The following CHCHD6 variants were observed in gnomAD, a reference collection of about 807,000 sequenced individuals.
CHCHD6 encodes MICOS complex subunit MIC25.
In CHCHD6, 28 loss-of-function variants were observed where a neutral mutation model predicts 32.3. That is an observed-to-expected ratio of 0.87 (90% confidence interval 0.64 to 1.19). CHCHD6 has a LOEUF of 1.19. CHCHD6 is among the 50% of genes most tolerant of loss of function. The pLI, the probability that CHCHD6 is intolerant of heterozygous loss-of-function variation, is 0.00. For missense variants in CHCHD6, 333 were observed against 307.0 expected, an observed-to-expected ratio of 1.08 and a Z score of -0.63; for synonymous variants, 122 against 117.5, an observed-to-expected ratio of 1.04 and a Z score of -0.25.
intron 4 of CHCHD6, among the ~76,000 whole-genome samples, chr3:126,748,075 G>C (rs550087178): frequency 6.6e-6 from 1 of 152,174 alleles, no homozygotes; most frequent in African/African-American, 2.4e-5. Context: ...CTCTCTGCCA[G>C]TGACCTGGAT....
intron 4 of CHCHD6, among the ~76,000 whole-genome samples, chr3:126,835,907 T>C (rs148030388): frequency 8.8e-4 from 134 of 152,334 alleles, no homozygotes; most frequent in African/African-American, 3.1e-3. Flanking sequence ...TATTATTTCT[T>C]CTGTAAAGGT....
intron 4 of CHCHD6, among the ~76,000 whole-genome samples, chr3:126,792,009 G>A (rs1294773130): frequency 1.3e-5 from 2 of 152,024 alleles, no homozygotes; most frequent in Admixed American, 6.6e-5. Flanking sequence ...GAAGTATAAC[G>A]TTTTCGGGGT....
chr3:126,907,596 GA>G (rs2078024945), intron 5 of CHCHD6, among the ~76,000 whole-genome samples: 1 of 152,162 alleles, frequency 6.6e-6, no homozygotes, highest in South Asian at 2.1e-4. Flanking sequence ...TGTGAATTTT[GA>G]GAAGCTTTGG....
intron 4 of CHCHD6, among the ~76,000 whole-genome samples, chr3:126,773,408 C>A (rs904460014): frequency 1.3e-4 from 20 of 152,114 alleles, no homozygotes; most frequent in African/African-American, 4.6e-4. Flanking sequence ...GAACCAAGGA[C>A]CAGAGTCTCA....
At chr3:126,936,598 C>T (rs745961703) in intron 6 of CHCHD6, among the ~76,000 whole-genome samples, 2 of 152,090 alleles carry the variant, frequency 1.3e-5, no homozygotes, top group Non-Finnish European at 2.9e-5. Context: ...CTCTGTTGCC[C>T]AGGCTGCAGT....
At chr3:126,737,636 A>G (rs1936106671) in intron 4 of CHCHD6, among the ~76,000 whole-genome samples, 1 of 152,162 alleles carries the variant, frequency 6.6e-6, no homozygotes, top group Admixed American at 6.5e-5. Flanking sequence ...ACCACCTGAT[A>G]CTTCCTGGTA....
At position 126,955,281 on chromosome 3, in the gene CHCHD6, G is replaced by A. The variant is rs1403211681; in HGVS notation, c.567-2135G>A. Among the ~76,000 whole-genome samples the A allele has an allele frequency of 3.9e-5, 6 of 152,264 alleles. No individual in the cohort carries two copies. The East Asian group carries it at 5.8e-4, about 15-fold the overall frequency. On this transcript the variant is annotated intron_variant, in intron 6 of 7. Transcript: ENST00000290913. ...CCCAGCCGCCTGTGCGGCAGCTGAC[G>A]CAGGCCAGTGAAGCGGGTCTCCGGA...
intron 6 of CHCHD6, among the ~76,000 whole-genome samples, chr3:126,956,254 G>A: frequency 6.6e-6 from 1 of 152,246 alleles, no homozygotes; most frequent in African/African-American, 2.4e-5. Context: ...TCTTTTTGGT[G>A]CCCTCAGCCG....
At chr3:126,920,210 G>C (rs961824655) in intron 6 of CHCHD6, among the ~76,000 whole-genome samples, 2 of 62,994 alleles carry the variant, frequency 3.2e-5, no homozygotes, top group Non-Finnish European at 7.9e-5. Context: ...TATTTGCTTT[G>C]CTTTTTTTTT....
intron 4 of CHCHD6, among the ~76,000 whole-genome samples, chr3:126,849,124 C>A (rs192762679): frequency 6.6e-6 from 1 of 152,332 alleles, no homozygotes; most frequent in East Asian, 1.9e-4. Flanking sequence ...AAACTGAAAA[C>A]CCTGGCCCTC....
In CHCHD6 at chr3:126,704,244, CGTT is replaced by C. The variant is rs1934353241; in HGVS notation, c.-64_-62del. 5.4e-6 allele frequency: 7 copies of C among 1,300,166 alleles called. No homozygotes were observed. The highest frequency in any genetic ancestry group is 2.6e-4 in the Middle Eastern group (1 of 3,842). 80.5% of individuals were successfully genotyped at this position (1,300,166 alleles called of 1,614,324 possible). ...CCGCGGCCGCGCGAGTCCTGGAAAGCGTTGTTGGCCCGGTTGCTCTGGAGCCGG... is the reference window on the plus strand; with the variant it reads ...CCGCGGCCGCGCGAGTCCTGGAAAGCGTTGGCCCGGTTGCTCTGGAGCCGG... On this transcript the variant is annotated 5_prime_UTR_variant, in exon 1 of 8. Coordinates refer to ENST00000290913, the MANE Select transcript of CHCHD6 (RefSeq NM_032343.3).
intron 4 of CHCHD6, among the ~76,000 whole-genome samples, chr3:126,812,200 G>A (rs541776298): frequency 6.6e-6 from 1 of 150,552 alleles, no homozygotes; most frequent in African/African-American, 2.4e-5. Context: ...AACTTATCCT[G>A]GAATGTATTT....
intron 4 of CHCHD6, among the ~76,000 whole-genome samples, chr3:126,826,060 G>T (rs1307271132): frequency 6.6e-6 from 1 of 152,188 alleles, no homozygotes; most frequent in Non-Finnish European, 1.5e-5. Flanking sequence ...AAATACTCAA[G>T]AAGTAATCTC....
At chr3:126,855,904 C>T (rs922225976) in intron 5 of CHCHD6, among the ~76,000 whole-genome samples, 7 of 152,146 alleles carry the variant, frequency 4.6e-5, no homozygotes, top group Admixed American at 6.5e-5. Flanking sequence ...ACAGGAGAAC[C>T]GCAAGGTCCC....
chr3:126,861,745 A>C (rs1576509777), intron 5 of CHCHD6, among the ~76,000 whole-genome samples: 4 of 68,060 alleles, frequency 5.9e-5, no homozygotes, highest in Admixed American at 1.8e-4. Flanking sequence ...TACCATCACC[A>C]CCTCCCCCTC....
intron 4 of CHCHD6, among the ~76,000 whole-genome samples, chr3:126,840,415 AAC>A (rs1941024353): frequency 6.6e-6 from 1 of 152,200 alleles, no homozygotes; most frequent in South Asian, 2.1e-4. Context: ...AAAATCTAAA[AAC>A]ACATTTTAGA....
At chr3:126,783,825 T>C (rs1421831762) in intron 4 of CHCHD6, among the ~76,000 whole-genome samples, 1 of 152,058 alleles carries the variant, frequency 6.6e-6, no homozygotes, top group Admixed American at 6.5e-5. Flanking sequence ...TGATCAGGCA[T>C]GCAGGCCTGC....
At chr3:126,949,417 C>T (rs949915130) in intron 6 of CHCHD6, 2 of 235,258 alleles carry the variant, frequency 8.5e-6, no homozygotes, top group Non-Finnish European at 8.4e-6. Context: ...ACAGGTCTGC[C>T]GTGGACGGAA....
chr3:126,807,600 G>T (rs1016287695), intron 4 of CHCHD6, among the ~76,000 whole-genome samples: 1 of 152,136 alleles, frequency 6.6e-6, no homozygotes, highest in Non-Finnish European at 1.5e-5. Flanking sequence ...AATTATTAAT[G>T]AAATTATTTC....
Sources: gnomAD v4.1 joint callset for allele counts (sites outside exome capture counted in the v4.1 genomes callset) on GRCh38, gnomAD v4.1.1 for gene constraint, MANE v1.5 for transcripts, NCBI Gene and HGNC (gene_info 2026-07-23, HGNC 2026-07-21) for gene names.